Variants in NSD2 observed in about 807,000 individuals in gnomAD.
NSD2 encodes histone-lysine N-methyltransferase NSD2.
Under a neutral mutation model 139.0 loss-of-function variants are expected in NSD2, and 12 were observed. The observed-to-expected ratio is 0.09, with a 90% CI of 0.06 to 0.14. The LOEUF (loss-of-function observed/expected upper bound fraction) is 0.14. Ranked by LOEUF, NSD2 falls within the 10% of genes least tolerant of loss-of-function variation. The pLI is 1.00. For synonymous variants in NSD2, 669 were observed against 648.7 expected (o/e 1.03, Z -0.48); for missense variants, 1,155 against 1,745.0 (o/e 0.66, Z 6.02).
intron 2 of NSD2, among the ~76,000 whole-genome samples, chr4:1,902,970 T>G (rs1717379922): frequency 6.6e-6 from 1 of 151,006 alleles, no homozygotes; most frequent in Non-Finnish European, 1.5e-5. Context: ...AGCCCAGGAG[T>G]TCAAGACTAG....
Position 1,957,913 on chromosome 4 carries a change from C to T in NSD2, c.2882-20C>T. 6.2e-7 allele frequency: 1 copy of T among 1,610,626 alleles called. No individual in the cohort carries two copies. Among genetic ancestry groups the T allele is most frequent in the Non-Finnish European group, 8.5e-7 (1 of 1,177,424 alleles). ...CCTGTATTTACTAAAATCTTTACTC[C>T]TATTTCATTGACTTTTTAGCACTGC... On this transcript the variant is annotated intron_variant, in intron 15 of 21. Transcript: ENST00000508803.
intron 18 of NSD2, among the ~76,000 whole-genome samples, chr4:1,961,634 G>A (rs553565734): frequency 6.6e-6 from 1 of 152,316 alleles, no homozygotes; most frequent in African/African-American, 2.4e-5. Flanking sequence ...AGGGATCAAT[G>A]TTCTGAGGAA....
At chr4:1,913,278 G>A (rs1227698173) in intron 3 of NSD2, among the ~76,000 whole-genome samples, 2 of 152,198 alleles carry the variant, frequency 1.3e-5, no homozygotes, top group Non-Finnish European at 2.9e-5. Context: ...TTGGTCTAGC[G>A]GTAGCGCCAG....
intron 1 of NSD2, among the ~76,000 whole-genome samples, chr4:1,878,926 C>T (rs1336645060): frequency 2.6e-5 from 4 of 152,080 alleles, no homozygotes; most frequent in African/African-American, 9.7e-5. Flanking sequence ...AGGAGAGGGT[C>T]CTTGGTCCAA....
Position 1,956,508 on chromosome 4 carries a change from C to A in NSD2, c.2881+320C>A, listed in dbSNP as rs529355998. On this transcript the variant is annotated intron_variant, in intron 15 of 21. Transcript: ENST00000508803. The surrounding 1 kb of genome is among the most constrained non-coding windows in gnomAD (Gnocchi z 5.3). ...TAAAATGCAGATCTGAAGGAAGGGT[C>A]CTGTTGTCTCGACCTTGTGCAGCAG... Among the ~76,000 whole-genome samples the A allele has an allele frequency of 6.6e-6, 1 of 152,062 alleles. No homozygotes were observed.
At position 1,978,881 on chromosome 4, in the gene NSD2, G is replaced by A. The variant is rs753305456; in HGVS notation, c.4070G>A (p.Gly1357Asp). 7 of 1,580,944 alleles carry A rather than the reference G, an allele frequency of 4.4e-6. No homozygotes were observed. Among genetic ancestry groups the A allele is most frequent in the African/African-American group, 2.7e-5 (2 of 74,074 alleles). ...AAGGGGAAGAGGCGGCGGCGGAGGG[G>A]CTGGCGGAGAGTCACAGAGGGCAAA... is the stretch of plus-strand genomic sequence containing the variant. Reference protein sequence around the residue: ...KPKGKRRRRRGWRRVTEGK With the variant: ...KPKGKRRRRRDWRRVTEGK The change falls in exon 22 of 22, where the codon GGC (glycine) becomes GAC (aspartate). Residue 1357 changes from glycine to aspartate, a missense_variant. Coordinates refer to ENST00000508803, the MANE Select transcript of NSD2 (RefSeq NM_001042424.3).
chr4:1,891,509 G>A (rs2108703239), intron 1 of NSD2, among the ~76,000 whole-genome samples: 1 of 152,170 alleles, frequency 6.6e-6, no homozygotes, highest in East Asian at 1.9e-4. Flanking sequence ...TGACATCTAA[G>A]CCAGTGGGCA....
chr4:1,917,733 G>A (rs895762520), intron 4 of NSD2, among the ~76,000 whole-genome samples: 1 of 151,774 alleles, frequency 6.6e-6, no homozygotes, highest in Non-Finnish European at 1.5e-5. Context: ...CACCACGCTG[G>A]CCAAGTTTTT....
chr4:1,904,739 C>T (rs1717658604), intron 3 of NSD2, among the ~76,000 whole-genome samples: 1 of 152,080 alleles, frequency 6.6e-6, no homozygotes. Context: ...TTTTATTAGG[C>T]CTATGGGAAG....
In NSD2 at chr4:1,884,510, C is replaced by T. The variant is rs531788313; in HGVS notation, c.-30+12968C>T. Among the ~76,000 whole-genome samples, 7 of 152,254 alleles carry T rather than the reference C, an allele frequency of 4.6e-5. No homozygotes were observed. The East Asian group carries it at 1.2e-3, about 25-fold the overall frequency. ...CCTGGTTCAAGTGATTCTCCTGCCT[C>T]AGCCTCCCGAGTAGCTGGGATTACA... On this transcript the variant is annotated intron_variant, in intron 1 of 21. Transcript: ENST00000508803.
At chr4:1,934,982 G>T (rs532932765) in intron 6 of NSD2, among the ~76,000 whole-genome samples, 162 bp from the exon 7 acceptor site, 51 of 142,884 alleles carry the variant, frequency 3.6e-4, no homozygotes, top group African/African-American at 1.3e-3. Flanking sequence ...GTTGTAAAGA[G>T]ATTTGATCTG....
At chr4:1,952,332 C>T (rs950403925) in intron 11 of NSD2, 101 bp downstream of exon 11, 39 of 1,515,480 alleles carry the variant, frequency 2.6e-5, no homozygotes, top group African/African-American at 1.4e-5. Flanking sequence ...GAGGACAAGC[C>T]CCCTCCCCAC....
intron 5 of NSD2, chr4:1,918,913 C>T (rs2108806975): frequency 1.1e-5 from 3 of 270,578 alleles, no homozygotes; most frequent in Non-Finnish European, 2.1e-5. Context: ...TTTGGGAGGC[C>T]AAGGCGGGAG....
Position 1,900,957 on chromosome 4 carries a change from G to A in NSD2, c.303G>A (p.Glu101=). ...CACACGATGCCAAACTGCGTTTTGA[G>A]TCCCAGGAAATGAAAGGGATTGGGA... ...PGAHDAKLRF[E]SQEMKGIGTP... The change falls in exon 2 of 22, where the codon GAG becomes GAA. Residue 101 remains glutamate, a synonymous_variant. Coordinates refer to ENST00000508803, the MANE Select transcript of NSD2 (RefSeq NM_001042424.3). The A allele has an allele frequency of 6.2e-7, 1 of 1,614,162 alleles. No individual in the cohort carries two copies. Among genetic ancestry groups the A allele is most frequent in the African/African-American group, 1.3e-5 (1 of 75,040 alleles).
At chr4:1,908,809 C>T (rs971084866) in intron 3 of NSD2, among the ~76,000 whole-genome samples, 1 of 152,088 alleles carries the variant, frequency 6.6e-6, no homozygotes, top group Non-Finnish European at 1.5e-5. Context: ...GGTCTTGGCT[C>T]TGTTGCTCTG....
intron 18 of NSD2, among the ~76,000 whole-genome samples, chr4:1,962,473 T>C (rs1725466706): frequency 6.6e-6 from 1 of 152,190 alleles, no homozygotes; most frequent in African/African-American, 2.4e-5. Context: ...ACTTGTGATG[T>C]GTTTAGGGTC....
At chr4:1,907,830 C>T (rs971780454) in intron 3 of NSD2, among the ~76,000 whole-genome samples, 3 of 152,086 alleles carry the variant, frequency 2.0e-5, no homozygotes, top group African/African-American at 7.2e-5. Context: ...CCAGGATGAT[C>T]TTGATCTCTT....
At chr4:1,926,241 G>A (rs1469998490) in intron 5 of NSD2, among the ~76,000 whole-genome samples, 2 of 146,536 alleles carry the variant, frequency 1.4e-5, no homozygotes, top group African/African-American at 2.6e-5. Context: ...TGCAACCTCC[G>A]TCTCCCAGGT....
intron 1 of NSD2, among the ~76,000 whole-genome samples, chr4:1,893,233 C>T (rs987858325): frequency 2.0e-5 from 3 of 152,102 alleles, no homozygotes; most frequent in African/African-American, 2.4e-5. Context: ...TTTGGGAGTC[C>T]GAGACGGGTA....
Sources: allele counts gnomAD v4.1 joint callset (sites outside exome capture counted in the v4.1 genomes callset), GRCh38; gene constraint gnomAD v4.1.1; non-coding constraint Gnocchi (gnomAD v3.1); transcripts MANE v1.5; gene names NCBI Gene and HGNC (gene_info 2026-07-23, HGNC 2026-07-21).